The following C8orf90 variants were observed in gnomAD, a reference collection of about 807,000 sequenced individuals.
The protein encoded by C8orf90 is chromosome 8 open reading frame 90.
the C8orf90 span, chr8:141,514,730 G>A: frequency 1.4e-6 from 1 of 701,762 alleles, no homozygotes; most frequent in Non-Finnish European, 2.6e-6. Context: ...CCCCAGCCCA[G>A]CAGGTCTGCC....
chr8:141,515,184 A>C, the C8orf90 span, among the ~76,000 whole-genome samples: 3 of 151,238 alleles, frequency 2.0e-5, no homozygotes, highest in Non-Finnish European at 4.4e-5. Flanking sequence ...TCACTCACCC[A>C]TCTATCCACC....
At chr8:141,516,342 T>C in the C8orf90 span, among the ~76,000 whole-genome samples, 2 of 152,136 alleles carry the variant, frequency 1.3e-5, no homozygotes, top group Non-Finnish European at 2.9e-5. Flanking sequence ...GCCTCCACGT[T>C]CTCCCCTCTC....
chr8:141,518,573 C>A, the C8orf90 span: 2 of 425,062 alleles, frequency 4.7e-6, no homozygotes, highest in African/African-American at 4.2e-5. Flanking sequence ...TGCGCCCGCG[C>A]GCGGGGCCCG....
the C8orf90 span, among the ~76,000 whole-genome samples, chr8:141,515,094 G>A: frequency 2.0e-5 from 3 of 149,132 alleles, no homozygotes; most frequent in East Asian, 2.0e-4. Context: ...GGCCCCTTCC[G>A]GATCATTCTC....
chr8:141,515,423 C>A, the C8orf90 span, among the ~76,000 whole-genome samples: 1 of 145,554 alleles, frequency 6.9e-6, no homozygotes, highest in African/African-American at 2.6e-5. Context: ...CTCCTAAAGA[C>A]CCTGGCCCCT....
At chr8:141,518,099 C>T in the C8orf90 span, 5,041 of 511,756 alleles carry the variant, frequency 9.9e-3, 48 homozygotes, top group Admixed American at 0.012. Context: ...GCTCATTCGG[C>T]GGCTCCTTCC....
the C8orf90 span, among the ~76,000 whole-genome samples, chr8:141,515,965 C>T: frequency 6.6e-6 from 1 of 152,184 alleles, no homozygotes; most frequent in Non-Finnish European, 1.5e-5. Flanking sequence ...GTGCTGCTGG[C>T]CTTGCACCCT....
chr8:141,514,738 G>C, the C8orf90 span: 1 of 701,458 alleles, frequency 1.4e-6, no homozygotes, highest in African/African-American at 1.7e-5. Flanking sequence ...CAGCAGGTCT[G>C]CCCCCTCCTT....
At chr8:141,518,676 CA>C in the C8orf90 span, 1 of 543,844 alleles carries the variant, frequency 1.8e-6, no homozygotes, top group Admixed American at 3.5e-5. Context: ...CAGGCTGGCC[CA>C]GGCCCCGCCG....
the C8orf90 span, chr8:141,514,876 C>T: frequency 1.5e-6 from 1 of 648,400 alleles, no homozygotes; most frequent in Non-Finnish European, 2.8e-6. Context: ...GAAGAAGATG[C>T]TCTGCCAAGG....
At chr8:141,518,416 C>A in the C8orf90 span, 1 of 672,906 alleles carries the variant, frequency 1.5e-6, no homozygotes, top group Non-Finnish European at 2.7e-6. Context: ...CGCCTGCGGG[C>A]CGCTCTTCTA....
the C8orf90 span, chr8:141,518,419 C>T: frequency 3.0e-6 from 2 of 672,788 alleles, no homozygotes; most frequent in South Asian, 1.6e-5. Flanking sequence ...CTGCGGGCCG[C>T]TCTTCTACGA....
At chr8:141,515,093 C>T in the C8orf90 span, among the ~76,000 whole-genome samples, 4 of 150,544 alleles carry the variant, frequency 2.7e-5, no homozygotes, top group East Asian at 3.9e-4. Context: ...GGGCCCCTTC[C>T]GGATCATTCT....
At chr8:141,518,313 C>T in the C8orf90 span, 1 of 669,170 alleles carries the variant, frequency 1.5e-6, no homozygotes. Flanking sequence ...GCGCCTACCG[C>T]GCGCTGGGCA....
the C8orf90 span, chr8:141,518,265 C>T: frequency 3.2e-6 from 2 of 629,944 alleles, no homozygotes; most frequent in South Asian, 1.7e-5. Flanking sequence ...ACGGCGGGGA[C>T]GCGCAGCTCT....
the C8orf90 span, chr8:141,518,260 G>A: frequency 1.6e-6 from 1 of 629,962 alleles, no homozygotes. Flanking sequence ...CATCTACGGC[G>A]GGGACGCGCA....
chr8:141,515,681 C>T, the C8orf90 span, among the ~76,000 whole-genome samples: 1 of 152,158 alleles, frequency 6.6e-6, no homozygotes, highest in Middle Eastern at 3.4e-3. Flanking sequence ...CTCCTCCACC[C>T]CTCCTCACAT....
the C8orf90 span, among the ~76,000 whole-genome samples, chr8:141,516,726 G>GTCCAGGCTCTTGTGTGAGCGGATCTTC: frequency 6.6e-6 from 1 of 152,204 alleles, no homozygotes; most frequent in Non-Finnish European, 1.5e-5. Context: ...AAGCAGAGCA[G>GTCCAGGCTCTTGTGTGAGCGGATCTTC]TCCAGGCTCT....
chr8:141,518,340 C>T, the C8orf90 span: 77 of 673,054 alleles, frequency 1.1e-4, 1 homozygote, highest in African/African-American at 1.3e-3. Context: ...ACGACTTCGC[C>T]ATCCGCGTGC....
Sources: gnomAD v4.1 joint callset for allele counts (sites outside exome capture counted in the v4.1 genomes callset) on GRCh38, gnomAD v4.1.1 for gene constraint, MANE v1.5 for transcripts, NCBI Gene and HGNC (gene_info 2026-07-23, HGNC 2026-07-21) for gene names.